ST8SIA6: variants seen among roughly 807,000 people sequenced by gnomAD.
ST8SIA6 encodes the protein ST8 alpha-N-acetyl-neuraminide alpha-2,8-sialyltransferase 6, also known as alpha-2,8-sialyltransferase 8F.
A neutral mutation model predicts 33.6 loss-of-function variants in ST8SIA6; 39 were observed. That is an observed-to-expected ratio of 1.16 (90% CI 0.90 to 1.52). The LOEUF is 1.52. Among genes scored for constraint, ST8SIA6 ranks in the 40% most tolerant of loss-of-function variants. ST8SIA6 has a pLI of 0.00. For synonymous variants in ST8SIA6, 172 were observed against 167.2 expected (o/e 1.03, Z -0.22); for missense variants, 441 against 443.8 (o/e 0.99, Z 0.06).
intron 2 of ST8SIA6, chr10:17,399,139 A>G (rs768207809): frequency 6.6e-6 from 1 of 152,194 alleles, no homozygotes; most frequent in Non-Finnish European, 1.5e-5. Context: ...GCCTACAAAG[A>G]TGAGGGGCAG....
chr10:17,361,814 G>T (rs2131620523), intron 3 of ST8SIA6, among the ~76,000 whole-genome samples: 1 of 151,792 alleles, frequency 6.6e-6, no homozygotes, highest in African/African-American at 2.4e-5. Context: ...CATGAAGAAA[G>T]GATAAAGCAC....
intron 2 of ST8SIA6, among the ~76,000 whole-genome samples, chr10:17,401,886 T>A (rs1440462193): frequency 0.023 from 3,391 of 150,324 alleles, 48 homozygotes; most frequent in South Asian, 0.043. Flanking sequence ...GGACTTCATG[T>A]CTAAAACACC....
At chr10:17,341,664 G>T (rs1848675740) in intron 4 of ST8SIA6, among the ~76,000 whole-genome samples, 1 of 151,998 alleles carries the variant, frequency 6.6e-6, no homozygotes, top group South Asian at 2.1e-4. Flanking sequence ...GCTTTGGGAG[G>T]CTGAGGCAGG....
chr10:17,372,898 G>A (rs1489123038), intron 3 of ST8SIA6, among the ~76,000 whole-genome samples: 2 of 152,290 alleles, frequency 1.3e-5, no homozygotes, highest in South Asian at 2.1e-4. Context: ...CTATAGAAGT[G>A]TATAAATACC....
At chr10:17,338,031 C>CT (rs71393003) in intron 4 of ST8SIA6, among the ~76,000 whole-genome samples, 45,311 of 130,150 alleles carry the variant, frequency 0.35, 8,895 homozygotes, top group East Asian at 0.45. Context: ...AAATACTATT[C>CT]TTTTTTTTTT....
intron 3 of ST8SIA6, among the ~76,000 whole-genome samples, chr10:17,375,007 G>A (rs1163829646): frequency 2.6e-5 from 4 of 151,734 alleles, no homozygotes; most frequent in African/African-American, 9.7e-5. Flanking sequence ...TGTGATCATA[G>A]CTCACTGCAG....
At chr10:17,361,517 A>AAC (rs35428636) in intron 3 of ST8SIA6, among the ~76,000 whole-genome samples, 15,676 of 146,092 alleles carry the variant, frequency 0.11, 845 homozygotes, top group South Asian at 0.18. Context: ...CTTCCTACAA[A>AAC]ACACACACAC....
chr10:17,368,232 CAAAAAAAAAA>C (rs61426907), intron 3 of ST8SIA6, among the ~76,000 whole-genome samples: 17,623 of 74,054 alleles, frequency 0.24, 1,344 homozygotes, highest in Middle Eastern at 0.36. Flanking sequence ...CCTGTCTCTA[CAAAAAAAAAA>C]AAAAAAAAAA....
intron 4 of ST8SIA6, among the ~76,000 whole-genome samples, chr10:17,341,111 C>T (rs1471485846): frequency 1.3e-5 from 2 of 152,238 alleles, no homozygotes; most frequent in African/African-American, 4.8e-5. Context: ...ACTTGACTTT[C>T]TAGAACCCAG....
intron 2 of ST8SIA6, among the ~76,000 whole-genome samples, chr10:17,431,468 G>T (rs1308924254): frequency 6.6e-6 from 1 of 152,150 alleles, no homozygotes; most frequent in Non-Finnish European, 1.5e-5. Context: ...GGGGGAAAGG[G>T]TGTGACTGTA....
chr10:17,438,066 C>T (rs1852346833), intron 2 of ST8SIA6, among the ~76,000 whole-genome samples: 1 of 152,178 alleles, frequency 6.6e-6, no homozygotes, highest in African/African-American at 2.4e-5. Flanking sequence ...CTTTTACTGC[C>T]TGTTGAGTCT....
chr10:17,423,394 G>A, intron 2 of ST8SIA6, among the ~76,000 whole-genome samples: 1 of 152,124 alleles, frequency 6.6e-6, no homozygotes, highest in East Asian at 1.9e-4. Context: ...ATATTCCTGG[G>A]ATTCAGTAAT....
intron 2 of ST8SIA6, among the ~76,000 whole-genome samples, chr10:17,429,901 A>T (rs1852051493): frequency 6.6e-6 from 1 of 152,148 alleles, no homozygotes; most frequent in African/African-American, 2.4e-5. Context: ...CTTTGTTAAA[A>T]TTTTTTTATT....
intron 3 of ST8SIA6, among the ~76,000 whole-genome samples, chr10:17,361,833 A>G (rs998026766): frequency 3.3e-5 from 5 of 152,130 alleles, no homozygotes; most frequent in Non-Finnish European, 7.4e-5. Context: ...ACTGTGACCT[A>G]CTGAGGGGTA....
intron 5 of ST8SIA6, among the ~76,000 whole-genome samples, chr10:17,330,642 G>C (rs1848270158): frequency 1.3e-5 from 2 of 152,164 alleles, no homozygotes; most frequent in African/African-American, 4.8e-5. Flanking sequence ...ATATCCTACA[G>C]TTAGTATACT....
intron 2 of ST8SIA6, among the ~76,000 whole-genome samples, chr10:17,425,687 G>T (rs998864650): frequency 6.6e-6 from 1 of 150,464 alleles, no homozygotes; most frequent in South Asian, 2.1e-4. Flanking sequence ...AAGAAGGAAG[G>T]AAGGAAAGGT....
At chr10:17,373,342 T>A (rs747006400) in intron 3 of ST8SIA6, among the ~76,000 whole-genome samples, 1 of 152,210 alleles carries the variant, frequency 6.6e-6, no homozygotes, top group Non-Finnish European at 1.5e-5. Flanking sequence ...GAATATGGGA[T>A]GTATGTTACA....
At chr10:17,413,390 A>T (rs1375279378) in intron 2 of ST8SIA6, 2 of 152,036 alleles carry the variant, frequency 1.3e-5, no homozygotes, top group African/African-American at 4.8e-5. Flanking sequence ...GTCTTATCAC[A>T]TTCTCATTCT....
intron 2 of ST8SIA6, among the ~76,000 whole-genome samples, chr10:17,392,601 T>A (rs1850657131): frequency 1.3e-5 from 2 of 152,202 alleles, no homozygotes; most frequent in South Asian, 4.2e-4. Flanking sequence ...ATAATAGGAT[T>A]CAAGGTTGAA....
Sources: gnomAD v4.1 joint callset for allele counts (sites outside exome capture counted in the v4.1 genomes callset) on GRCh38, gnomAD v4.1.1 for gene constraint, MANE v1.5 for transcripts, NCBI Gene and HGNC (gene_info 2026-07-23, HGNC 2026-07-21) for gene names.